The following EML5 variants were observed in gnomAD, a reference collection of about 807,000 sequenced individuals.
EML5 encodes EMAP like 5, also known as echinoderm microtubule-associated protein-like 5.
In EML5, 120 loss-of-function variants were observed where a neutral mutation model predicts 250.0. The observed-to-expected ratio is 0.48, with a 90% confidence interval of 0.41 to 0.56. The LOEUF is 0.56. EML5 is among the 20% of genes least tolerant of loss of function. The pLI, the probability that EML5 is intolerant of heterozygous loss-of-function variation, is 0.00. For synonymous variants in EML5, 771 were observed against 806.5 expected (o/e 0.96, Z 0.75); for missense variants, 2,006 against 2,437.6 (o/e 0.82, Z 3.73).
chr14:88,628,189 A>G (rs951892886), intron 33 of EML5, among the ~76,000 whole-genome samples: 2 of 152,174 alleles, frequency 1.3e-5, no homozygotes, highest in Non-Finnish European at 2.9e-5. Flanking sequence ...ATATTAAACA[A>G]TAAATATTAA....
intron 10 of EML5, among the ~76,000 whole-genome samples, chr14:88,708,547 T>C (rs2093354736): frequency 6.6e-6 from 1 of 152,152 alleles, no homozygotes; most frequent in Admixed American, 6.6e-5. Flanking sequence ...CTTGGACTTT[T>C]GAGTTGGAAT....
At chr14:88,651,212 G>T (rs2091611502) in intron 27 of EML5, among the ~76,000 whole-genome samples, 1 of 144,996 alleles carries the variant, frequency 6.9e-6, no homozygotes, top group South Asian at 2.2e-4. Flanking sequence ...CTGCCACGGG[G>T]GCCAACAGAC....
intron 7 of EML5, among the ~76,000 whole-genome samples, chr14:88,730,991 T>C (rs2093747663): frequency 6.6e-6 from 1 of 152,196 alleles, no homozygotes. Flanking sequence ...GTGAACTTCA[T>C]TTGCTCCTGT....
chr14:88,713,665 T>G (rs2093442869), intron 9 of EML5, among the ~76,000 whole-genome samples: 1 of 150,786 alleles, frequency 6.6e-6, no homozygotes, highest in East Asian at 2.0e-4. Flanking sequence ...CCATGTTCCC[T>G]GGCTGTTCTC....
chr14:88,646,099 C>T (rs2091335073), intron 29 of EML5, among the ~76,000 whole-genome samples: 1 of 152,080 alleles, frequency 6.6e-6, no homozygotes, highest in Non-Finnish European at 1.5e-5. Context: ...ATTTGTAACA[C>T]CTAAATCAGG....
At position 88,694,582 on chromosome 14, in the gene EML5, G is replaced by T. The variant is rs570303518; in HGVS notation, c.2439-175C>A. Among the ~76,000 whole-genome samples, 420 of 152,210 alleles carry T rather than the reference G, an allele frequency of 2.8e-3. 1 individual carries two copies. Among genetic ancestry groups the T allele is most frequent in the Non-Finnish European group, 4.8e-3 (326 of 68,008 alleles). On this transcript the variant is annotated intron_variant, in intron 16 of 43. Transcript: ENST00000554922. ...GTCATCATTTTAATATGGTAACTCT[G>T]CTCAAGAGAATCTCAAGAGACAGAA...
rs748648066 is a variant in EML5 at position 88,792,267 on chromosome 14, G to C, written c.197+40C>G. On this transcript the variant is annotated intron_variant, in intron 1 of 43. Transcript: ENST00000554922. The surrounding 1 kb of genome is among the most constrained non-coding windows in gnomAD (Gnocchi z 6.9). ...ACCCGCGGGTGCAAACTCCGGGAGCGGCTTGCAGGGTGACGGCGGCGGCCC... is the reference window on the plus strand; with the variant it reads ...ACCCGCGGGTGCAAACTCCGGGAGCCGCTTGCAGGGTGACGGCGGCGGCCC... 5.6e-4 allele frequency: 851 copies of C among 1,531,202 alleles called. 1 individual carries two copies. The highest frequency in any genetic ancestry group is 6.3e-4 in the Non-Finnish European group (724 of 1,140,218). 94.9% of individuals were successfully genotyped at this position (1,531,202 alleles called of 1,614,324 possible).
intron 40 of EML5, 114 bp downstream of exon 40, chr14:88,618,536 G>C: frequency 7.8e-7 from 1 of 1,276,612 alleles, no homozygotes; most frequent in Non-Finnish European, 1.1e-6. Context: ...AAGGTACAAA[G>C]GGAGGAGTTG....
intron 36 of EML5, 101 bp downstream of exon 36, chr14:88,624,869 G>C (rs1567024937): frequency 7.5e-7 from 1 of 1,326,102 alleles, no homozygotes. Flanking sequence ...GAAGGTCGGA[G>C]AGGACACTCT....
intron 27 of EML5, among the ~76,000 whole-genome samples, chr14:88,651,377 T>C (rs572356956): frequency 6.6e-6 from 1 of 152,244 alleles, no homozygotes; most frequent in South Asian, 2.1e-4. Context: ...ATTTCAGTTA[T>C]GACAGTGTTA....
chr14:88,657,863 T>C (rs2091929306), intron 26 of EML5, among the ~76,000 whole-genome samples: 1 of 152,170 alleles, frequency 6.6e-6, no homozygotes, highest in African/African-American at 2.4e-5. Context: ...AAATACATTT[T>C]CTATAACGAG....
intron 2 of EML5, among the ~76,000 whole-genome samples, chr14:88,753,228 GC>G (rs904956821): frequency 5.9e-5 from 9 of 152,226 alleles, no homozygotes; most frequent in Non-Finnish European, 8.8e-5. Flanking sequence ...TCACCTGCAT[GC>G]CCCACTCCCA....
Position 88,657,370 on chromosome 14 carries a change from T to G in EML5, c.4004+6A>C. 2 of 1,554,566 alleles carry G rather than the reference T, an allele frequency of 1.3e-6. No individual in the cohort carries two copies. The highest frequency in any genetic ancestry group is 1.7e-6 in the Non-Finnish European group (2 of 1,149,278). ...TTCTTCATCTAATACTAAACTAAAT[T>G]ATTACCTTTCATCAATTGAGGGTTC... On this transcript the variant is annotated splice_donor_region_variant and intron_variant, in intron 27 of 43. Transcript: ENST00000554922.
In EML5 at chr14:88,740,524, C is replaced by T; in HGVS notation, c.574G>A (p.Gly192Ser). The change falls in exon 5 of 44, where the codon GGT (glycine) becomes AGT (serine). Residue 192 changes from glycine to serine, a missense_variant. Gly to Ser is a moderately conservative substitution (Grantham distance 56, BLOSUM62 0). Transcript: ENST00000554922. The part of the protein sequence containing the change: ...NALTPKRGVF[G>S]KTGDLQTILC... Reference sequence around the variant, plus strand: ...ATTGTCTGAAGGTCACCCGTCTTACCAAAGACACCTCGTTTTGGGGTCAGA... The same window carrying T: ...ATTGTCTGAAGGTCACCCGTCTTACTAAAGACACCTCGTTTTGGGGTCAGA... 2 of 1,613,316 alleles carry T rather than the reference C, an allele frequency of 1.2e-6. No homozygotes were observed. The highest frequency in any genetic ancestry group is 1.7e-6 in the Non-Finnish European group (2 of 1,179,604).
intron 1 of EML5, among the ~76,000 whole-genome samples, chr14:88,784,307 G>T (rs148282993): frequency 6.6e-6 from 1 of 150,774 alleles, no homozygotes; most frequent in East Asian, 1.9e-4. Context: ...AGAAATAAAT[G>T]ACATTGACAT....
At chr14:88,788,194 T>C (rs1185095548) in intron 1 of EML5, among the ~76,000 whole-genome samples, 1 of 152,184 alleles carries the variant, frequency 6.6e-6, no homozygotes, top group African/African-American at 2.4e-5. Context: ...AAAAAAAATC[T>C]ATCTACCGTG....
chr14:88,658,296 T>A lies in EML5; in HGVS notation c.3768A>T (p.Leu1256=). 1 of 1,613,844 alleles carries A rather than the reference T, an allele frequency of 6.2e-7. No homozygotes were observed. Among genetic ancestry groups the A allele is most frequent in the Non-Finnish European group, 8.5e-7 (1 of 1,179,816 alleles). ...CCATTAAAGACATATCTGTACCGCCTAGGGTAACCAACATGCTGTCATCAT... is the reference window on the plus strand; with the variant it reads ...CCATTAAAGACATATCTGTACCGCCAAGGGTAACCAACATGCTGTCATCAT... ...WTYDDSMLVT[L]GGTDMSLMVW... is the part of the protein sequence containing the mutation. Residue 1256 remains leucine (L), a synonymous_variant, in exon 26 of 44, where the codon CTA becomes CTT. Transcript: ENST00000554922.
chr14:88,616,367 TGATTA>T, intron 42 of EML5, 125 bp from the exon 43 acceptor site: 1 of 905,080 alleles, frequency 1.1e-6, no homozygotes, highest in South Asian at 1.5e-5. Flanking sequence ...CCGCAGCCAG[TGATTA>T]GAATGCTTTT....
At position 88,618,911 on chromosome 14, in the gene EML5, T is replaced by G. The variant is rs563675603; in HGVS notation, c.5376-99A>C. 64 of 1,219,258 alleles carry G rather than the reference T, an allele frequency of 5.2e-5. 1 individual carries two copies. In the African/African-American group the frequency reaches 8.1e-4, roughly 15 times the overall value. 75.5% of individuals were successfully genotyped at this position (1,219,258 alleles called of 1,614,324 possible). A position where few individuals can be genotyped will look rare whatever the true frequency, so the allele number is the denominator to read the frequency against. On this transcript the variant is annotated intron_variant, in intron 39 of 43. Transcript: ENST00000554922. ...CTTTCTAGTTCTTAAAAGTAACGTG[T>G]GATAAGGCCTCAAATAGATTTACCT...
Sources: allele counts gnomAD v4.1 joint callset (sites outside exome capture counted in the v4.1 genomes callset), GRCh38; gene constraint gnomAD v4.1.1; non-coding constraint Gnocchi (gnomAD v3.1); transcripts MANE v1.5; gene names NCBI Gene and HGNC (gene_info 2026-07-23, HGNC 2026-07-21).